The following ASRGL1 variants were observed in gnomAD, a reference collection of about 807,000 sequenced individuals.
The protein encoded by ASRGL1 is asparaginase and isoaspartyl peptidase 1, also known as isoaspartyl peptidase/L-asparaginase.
Under a neutral mutation model 22.4 loss-of-function variants are expected in ASRGL1, and 16 were observed. That is an observed-to-expected ratio of 0.71 (90% CI 0.48 to 1.08). The LOEUF is 1.08. Ranked by LOEUF, ASRGL1 falls within the 50% of genes least tolerant of loss-of-function variation. The pLI is 0.00. For synonymous variants in ASRGL1, 165 were observed against 159.3 expected, an observed-to-expected ratio of 1.04 and a Z score of -0.27; for missense variants, 412 against 410.1, an observed-to-expected ratio of 1.00 and a Z score of -0.04.
chr11:62,338,034 G>T lies in ASRGL1; in HGVS notation c.57G>T (p.Arg19=), dbSNP rs1345404961. ...GGGAGPISKD[R]KERVHQGMVR... is the part of the protein sequence containing the mutation. ...GAGCCGGTCCCATCTCCAAGGATCG[G>T]AAGGAGCGAGTGCACCAGGGCATGG... The change falls in exon 2 of 7, where the codon CGG becomes CGT. Residue 19 remains arginine, a synonymous_variant. Transcript: ENST00000415229. 2 of 1,608,390 alleles carry T rather than the reference G, an allele frequency of 1.2e-6. No individual in the cohort carries two copies. Among genetic ancestry groups the T allele is most frequent in the Non-Finnish European group, 1.7e-6 (2 of 1,177,818 alleles).
intron 2 of ASRGL1, among the ~76,000 whole-genome samples, chr11:62,343,624 A>T (rs1033809838): frequency 6.8e-6 from 1 of 147,852 alleles, no homozygotes; most frequent in Non-Finnish European, 1.5e-5. Flanking sequence ...GCCACTCGGG[A>T]TGCTGAGGCA....
At chr11:62,344,903 T>C (rs1277812113) in intron 2 of ASRGL1, among the ~76,000 whole-genome samples, 1 of 152,210 alleles carries the variant, frequency 6.6e-6, no homozygotes, top group Non-Finnish European at 1.5e-5. Flanking sequence ...ACCATCTTTT[T>C]ACTCTCTATC....
intron 4 of ASRGL1, among the ~76,000 whole-genome samples, chr11:62,375,483 T>G (rs1946902469): frequency 1.1e-5 from 1 of 91,830 alleles, no homozygotes; most frequent in African/African-American, 3.1e-5. Flanking sequence ...TATATATATT[T>G]CTTGGAGTAA....
intron 2 of ASRGL1, among the ~76,000 whole-genome samples, chr11:62,351,815 A>G (rs896858653): frequency 5.3e-5 from 8 of 152,194 alleles, no homozygotes; most frequent in African/African-American, 1.7e-4. Context: ...CTGGAACTGC[A>G]GGTGAGCACC....
At chr11:62,384,947 G>A (rs1947165969) in intron 4 of ASRGL1, among the ~76,000 whole-genome samples, 1 of 145,690 alleles carries the variant, frequency 6.9e-6, no homozygotes, top group Non-Finnish European at 1.5e-5. Flanking sequence ...CTTATATACA[G>A]TGAAACATAT....
chr11:62,371,433 GTGC>G (rs1334060127), intron 4 of ASRGL1: 4 of 582,760 alleles, frequency 6.9e-6, no homozygotes, highest in Non-Finnish European at 9.1e-6. Flanking sequence ...AACTTGAGAC[GTGC>G]TGTGTTTACT....
At chr11:62,373,016 G>GT in intron 4 of ASRGL1, 1 of 1,379,656 alleles carries the variant, frequency 7.2e-7, no homozygotes, top group Non-Finnish European at 1.0e-6. Flanking sequence ...ACAAGCCCAA[G>GT]TCTTCCACTG....
chr11:62,384,023 TGCACGTGTGTGC>T (rs1947141882), intron 4 of ASRGL1, among the ~76,000 whole-genome samples: 5 of 142,174 alleles, frequency 3.5e-5, no homozygotes, highest in African/African-American at 1.0e-4. Flanking sequence ...TGTGTGTGTG[TGCACGTGTGTGC>T]GTGTGTGTGT....
intron 2 of ASRGL1, chr11:62,338,458 T>G: frequency 3.3e-6 from 1 of 304,538 alleles, no homozygotes; most frequent in Non-Finnish European, 6.0e-6. Flanking sequence ...AATCAGTACA[T>G]ACAAGACATA....
downstream of ASRGL1, chr11:62,393,509 TGGTGTGGAG>T (rs1947389947): frequency 6.6e-6 from 1 of 152,132 alleles, no homozygotes; most frequent in African/African-American, 2.4e-5. Context: ...GAGATGAGGA[TGGTGTGGAG>T]GGTGATATGT....
chr11:62,340,439 GCACCCCCTGGGCTGT>G (rs1945835738), intron 2 of ASRGL1, among the ~76,000 whole-genome samples: 1 of 152,184 alleles, frequency 6.6e-6, no homozygotes, highest in Non-Finnish European at 1.5e-5. Flanking sequence ...TTAGCACTCA[GCACCCCCTGGGCTGT>G]CAAACCCTCA....
intron 2 of ASRGL1, among the ~76,000 whole-genome samples, chr11:62,341,196 ATTT>A (rs577020969): frequency 7.4e-6 from 1 of 135,350 alleles, no homozygotes. Context: ...AGATAACAGG[ATTT>A]TTTTTTTTTT....
chr11:62,342,798 A>T (rs1184323530), intron 2 of ASRGL1, among the ~76,000 whole-genome samples: 5 of 152,044 alleles, frequency 3.3e-5, no homozygotes, highest in Non-Finnish European at 7.4e-5. Flanking sequence ...CACAATGTGT[A>T]GCCTTAGTCT....
the ASRGL1 span, among the ~76,000 whole-genome samples, chr11:62,398,627 C>T: frequency 6.6e-6 from 1 of 152,148 alleles, no homozygotes; most frequent in Non-Finnish European, 1.5e-5. Context: ...GGCCAGTTCC[C>T]CTCCTCCTCC....
intron 4 of ASRGL1, among the ~76,000 whole-genome samples, chr11:62,380,688 A>G (rs1372868029): frequency 6.6e-6 from 1 of 152,158 alleles, no homozygotes; most frequent in Non-Finnish European, 1.5e-5. Context: ...TATGTCCATG[A>G]GCAGTGGAAC....
intron 4 of ASRGL1, 184 bp downstream of exon 4, chr11:62,357,328 C>A (rs1946327047): frequency 3.3e-6 from 2 of 602,694 alleles, no homozygotes; most frequent in Non-Finnish European, 5.3e-6. Flanking sequence ...CGGCTCACTG[C>A]AGCCTCCGCC....
chr11:62,378,568 A>C (rs892631155), intron 4 of ASRGL1, among the ~76,000 whole-genome samples: 22 of 152,162 alleles, frequency 1.4e-4, no homozygotes, highest in African/African-American at 5.3e-4. Flanking sequence ...ATCAATTATA[A>C]TTAAAGGCCA....
intron 6 of ASRGL1, 72 bp downstream of exon 6, chr11:62,391,704 C>T (rs1947342986): frequency 1.3e-6 from 2 of 1,488,136 alleles, no homozygotes; most frequent in Non-Finnish European, 1.8e-6. Context: ...TAAGTAAGCG[C>T]ATGGAGAAGT....
chr11:62,369,386 G>A (rs1269307483), intron 4 of ASRGL1, among the ~76,000 whole-genome samples: 3 of 152,078 alleles, frequency 2.0e-5, no homozygotes, highest in African/African-American at 7.2e-5. Flanking sequence ...AGAACAAAAT[G>A]GAGTCTCTTA....
Sources: gnomAD v4.1 joint callset for allele counts (sites outside exome capture counted in the v4.1 genomes callset) on GRCh38, gnomAD v4.1.1 for gene constraint, MANE v1.5 for transcripts, NCBI Gene and HGNC (gene_info 2026-07-23, HGNC 2026-07-21) for gene names.